The following HEMK2 variants were observed in gnomAD, a reference collection of about 807,000 sequenced individuals.
HEMK2 encodes methyltransferase HEMK2.
chr21:28,776,605 A>G, the HEMK2 span, among the ~76,000 whole-genome samples: 35,189 of 152,104 alleles, frequency 0.23, 6,560 homozygotes, highest in African/African-American at 0.5. Flanking sequence ...ACAATGGGCC[A>G]TCTGCAAGCT....
chr21:28,857,859 G>A, the HEMK2 span, among the ~76,000 whole-genome samples: 1 of 152,108 alleles, frequency 6.6e-6, no homozygotes, highest in Non-Finnish European at 1.5e-5. Flanking sequence ...ACGTCACAAA[G>A]CTATATATGT....
At chr21:28,744,404 T>C in the HEMK2 span, among the ~76,000 whole-genome samples, 1 of 152,336 alleles carries the variant, frequency 6.6e-6, no homozygotes, top group South Asian at 2.1e-4. Flanking sequence ...ATGGATTTGC[T>C]GTTCCTGAAA....
At chr21:28,771,308 G>A in the HEMK2 span, among the ~76,000 whole-genome samples, 5 of 152,232 alleles carry the variant, frequency 3.3e-5, no homozygotes, top group South Asian at 1.0e-3. Flanking sequence ...GAGATGATTT[G>A]GAAGTATAAA....
the HEMK2 span, among the ~76,000 whole-genome samples, chr21:28,692,446 G>A: frequency 0.56 from 84,582 of 151,934 alleles, 26,212 homozygotes; most frequent in East Asian, 0.84. Flanking sequence ...TACTGTATAT[G>A]CTTTACAATA....
chr21:28,663,408 G>A, the HEMK2 span, among the ~76,000 whole-genome samples: 1 of 152,192 alleles, frequency 6.6e-6, no homozygotes, highest in Non-Finnish European at 1.5e-5. Flanking sequence ...ATTTCATAAT[G>A]TTGGCTCAGG....
the HEMK2 span, among the ~76,000 whole-genome samples, chr21:28,710,645 G>A: frequency 6.6e-6 from 1 of 152,162 alleles, no homozygotes; most frequent in East Asian, 1.9e-4. Context: ...GCCAGTGCTG[G>A]GGAGTGAGGA....
At chr21:28,611,756 A>C in the HEMK2 span, among the ~76,000 whole-genome samples, 1 of 151,976 alleles carries the variant, frequency 6.6e-6, no homozygotes, top group South Asian at 2.1e-4. Flanking sequence ...AAAAATACAA[A>C]AATTAGCTGT....
the HEMK2 span, among the ~76,000 whole-genome samples, chr21:28,811,335 G>A: frequency 6.8e-6 from 1 of 147,128 alleles, no homozygotes; most frequent in Non-Finnish European, 1.5e-5. Flanking sequence ...AGGAAGGAAG[G>A]AGAAAGAAAG....
At chr21:28,883,493 T>C in the HEMK2 span, among the ~76,000 whole-genome samples, 11,916 of 152,206 alleles carry the variant, frequency 0.078, 1,113 homozygotes, top group African/African-American at 0.21. Context: ...TCCTCTATCA[T>C]TTTTAATACC....
chr21:28,590,119 G>A, the HEMK2 span, among the ~76,000 whole-genome samples: 68 of 152,246 alleles, frequency 4.5e-4, no homozygotes, highest in African/African-American at 1.6e-3. Flanking sequence ...GTTACTCTCT[G>A]TTTTTGGCTT....
the HEMK2 span, among the ~76,000 whole-genome samples, chr21:28,735,822 G>T: frequency 2.0e-5 from 3 of 152,280 alleles, no homozygotes; most frequent in African/African-American, 7.2e-5. Flanking sequence ...AATCTCTTTT[G>T]CTATATAACA....
chr21:28,661,061 T>A, the HEMK2 span, among the ~76,000 whole-genome samples: 1 of 152,142 alleles, frequency 6.6e-6, no homozygotes, highest in Admixed American at 6.6e-5. Context: ...CTCTATCAGT[T>A]CTATGGTTAT....
chr21:28,631,404 T>C, the HEMK2 span, among the ~76,000 whole-genome samples: 2 of 152,224 alleles, frequency 1.3e-5, no homozygotes, highest in South Asian at 4.1e-4. Flanking sequence ...TCTACTTCAA[T>C]AATTTCCAAT....
chr21:28,865,791 A>G, the HEMK2 span, among the ~76,000 whole-genome samples: 3 of 118,050 alleles, frequency 2.5e-5, no homozygotes, highest in Admixed American at 8.9e-5. Flanking sequence ...TTTAGCCATT[A>G]TCAATTCTAG....
At chr21:28,682,486 C>T in the HEMK2 span, among the ~76,000 whole-genome samples, 1 of 151,338 alleles carries the variant, frequency 6.6e-6, no homozygotes, top group African/African-American at 2.4e-5. Context: ...TTGTGGAAGT[C>T]GGTGTGGCGA....
chr21:28,778,439 A>G, the HEMK2 span, among the ~76,000 whole-genome samples: 1 of 152,188 alleles, frequency 6.6e-6, no homozygotes, highest in Admixed American at 6.5e-5. Context: ...TCTGCAACCA[A>G]TGTCCAAAAG....
At chr21:28,783,733 T>A in the HEMK2 span, among the ~76,000 whole-genome samples, 1 of 152,108 alleles carries the variant, frequency 6.6e-6, no homozygotes, top group African/African-American at 2.4e-5. Context: ...GCCAGCTCCC[T>A]CTGCTTGTGG....
At chr21:28,860,589 C>T in the HEMK2 span, among the ~76,000 whole-genome samples, 1 of 152,038 alleles carries the variant, frequency 6.6e-6, no homozygotes, top group African/African-American at 2.4e-5. Context: ...ATTCTATCTC[C>T]TGGCTTCAGA....
chr21:28,645,674 G>A, the HEMK2 span, among the ~76,000 whole-genome samples: 1 of 152,124 alleles, frequency 6.6e-6, no homozygotes, highest in Non-Finnish European at 1.5e-5. Flanking sequence ...AGCAGGTGGG[G>A]ACTTTGGGAG....
Sources: allele counts gnomAD v4.1 joint callset (sites outside exome capture counted in the v4.1 genomes callset), GRCh38; gene constraint gnomAD v4.1.1; transcripts MANE v1.5; gene names NCBI Gene and HGNC (gene_info 2026-07-23, HGNC 2026-07-21).